Variants in NRDC observed in about 807,000 individuals in gnomAD.
NRDC encodes nardilysin.
A neutral mutation model predicts 147.1 loss-of-function variants in NRDC; 54 were observed. That is an observed-to-expected ratio of 0.37 (90% CI 0.29 to 0.46). The LOEUF (loss-of-function observed/expected upper bound fraction) is 0.46, where lower values mean the gene tolerates loss of function less well. NRDC is among the 20% of genes least tolerant of loss of function. NRDC has a pLI of 1.00. For synonymous variants in NRDC, 440 were observed against 482.1 expected, an observed-to-expected ratio of 0.91 and a Z score of 1.14; for missense variants, 1,082 against 1,370.6, an observed-to-expected ratio of 0.79 and a Z score of 3.33.
At position 51,842,111 on chromosome 1, in the gene NRDC, T is replaced by G. The variant is rs1681294741; in HGVS notation, c.342-1597A>C. On this transcript the variant is annotated intron_variant, in intron 1 of 30. Transcript: ENST00000352171. ...TGATTTGAGCCCAGGAGGTCCAGGC[T>G]GCAGCGAGCCCAGATCGGGCCACTT... 3.3e-5 allele frequency among the ~76,000 whole-genome samples: 5 copies of G among 152,018 alleles called. No homozygotes were observed. The South Asian group carries it at 1.0e-3, about 31-fold the overall frequency.
chr1:51,875,353 A>G (rs958524930), intron 1 of NRDC, among the ~76,000 whole-genome samples: 1 of 148,214 alleles, frequency 6.7e-6, no homozygotes, highest in African/African-American at 2.4e-5. Flanking sequence ...CGTTTTTAAA[A>G]TAAGCTGAGA....
rs771612402 is a variant in NRDC, at chr1:51,840,398, TC to T, written c.457del (p.Glu153LysfsTer12). On this transcript the variant is annotated frameshift_variant, in exon 2 of 31. Coordinates refer to ENST00000352171, the MANE Select transcript of NRDC (RefSeq NM_001101662.2). LOFTEE classifies it high-confidence loss of function. ...DEEEEEVEEE[E>X]EDDDEDSGAE... ...TCCAGAATCTTCATCATCATCTTCT[TC>T]TTCTTCCTCCACCTCCTCTTCTTCT... The T allele has an allele frequency of 1.9e-6, 3 of 1,571,268 alleles. No homozygotes were observed. The highest frequency in any genetic ancestry group is 2.6e-6 in the Non-Finnish European group (3 of 1,141,350).
intron 4 of NRDC, among the ~76,000 whole-genome samples, chr1:51,828,093 A>G (rs1220725478): frequency 6.6e-6 from 1 of 152,262 alleles, no homozygotes; most frequent in Non-Finnish European, 1.5e-5. Context: ...AAAGTTAACA[A>G]AACATGAACA....
chr1:51,802,652 T>C (rs993452727), intron 20 of NRDC, among the ~76,000 whole-genome samples: 2 of 152,176 alleles, frequency 1.3e-5, no homozygotes, highest in Non-Finnish European at 2.9e-5. Context: ...TGATAGTTCT[T>C]TACTGATGGC....
chr1:51,801,577 G>A (rs112217384), intron 20 of NRDC, among the ~76,000 whole-genome samples: 5 of 151,926 alleles, frequency 3.3e-5, no homozygotes, highest in South Asian at 2.1e-4. Flanking sequence ...GGTATATGAG[G>A]TTTTCTAAGA....
rs553080750 is a variant in NRDC, at chr1:51,794,619, GA to G, written c.2637-10del. The G allele has an allele frequency of 2.4e-5, 38 of 1,613,988 alleles. No individual in the cohort carries two copies. The South Asian group carries it at 3.6e-4, about 15-fold the overall frequency. ...GCTTGAAGTTTAGTTTGCTGCAAGA[GA>G]ATCAGTATGGGTCACTGAGGCACCC... On this transcript the variant is annotated splice_polypyrimidine_tract_variant and intron_variant, in intron 23 of 30. Transcript: ENST00000352171.
At chr1:51,861,162 C>A (rs1160661293) in intron 1 of NRDC, among the ~76,000 whole-genome samples, 2 of 151,632 alleles carry the variant, frequency 1.3e-5, no homozygotes, top group Admixed American at 1.3e-4. Context: ...GTTGGCCAGG[C>A]TGGTCTCAAA....
At chr1:51,825,247 C>G (rs758238557) in intron 6 of NRDC, 40 bp downstream of exon 6, 1 of 1,229,822 alleles carries the variant, frequency 8.1e-7, no homozygotes, top group South Asian at 1.3e-5. Flanking sequence ...TAAATCTTAA[C>G]TAGAAAATAT....
At chr1:51,806,989 G>A in intron 17 of NRDC, 76 bp from the exon 18 acceptor site, 1 of 1,527,180 alleles carries the variant, frequency 6.5e-7, no homozygotes, top group Non-Finnish European at 8.8e-7. Context: ...GGCTTCAGAA[G>A]TCTAAGTAAC....
chr1:51,844,785 G>A (rs1296664413), intron 1 of NRDC, among the ~76,000 whole-genome samples: 5 of 98,336 alleles, frequency 5.1e-5, no homozygotes, highest in African/African-American at 1.9e-4. Flanking sequence ...GGGGGGAGGG[G>A]GGAAGGGGAG....
intron 1 of NRDC, among the ~76,000 whole-genome samples, chr1:51,842,797 G>A (rs1219606767): frequency 6.6e-6 from 1 of 152,178 alleles, no homozygotes. Flanking sequence ...AGGGCACAGT[G>A]GCTTGCGCCT....
chr1:51,815,914 A>G (rs1679948535), intron 11 of NRDC: 2 of 152,758 alleles, frequency 1.3e-5, no homozygotes, highest in South Asian at 2.1e-4. Context: ...TACCTACCCA[A>G]TGAAGTTTTC....
intron 1 of NRDC, among the ~76,000 whole-genome samples, chr1:51,845,517 C>G (rs1482159795): frequency 1.3e-5 from 2 of 152,080 alleles, no homozygotes; most frequent in Non-Finnish European, 2.9e-5. Context: ...CACTCGAACC[C>G]GGGAGGCGGA....
chr1:51,859,041 A>G (rs1357441914), intron 1 of NRDC, among the ~76,000 whole-genome samples: 1 of 152,186 alleles, frequency 6.6e-6, no homozygotes, highest in Non-Finnish European at 1.5e-5. Flanking sequence ...CTAAAGTCTT[A>G]GGTTGTGCTT....
intron 3 of NRDC, among the ~76,000 whole-genome samples, chr1:51,835,572 T>G (rs534755029): frequency 6.6e-6 from 1 of 151,082 alleles, no homozygotes; most frequent in South Asian, 2.1e-4. Flanking sequence ...GTTCAAATGA[T>G]TCTCTTGCCT....
chr1:51,790,824 C>T (rs185525165), intron 28 of NRDC, 76 bp downstream of exon 28: 69 of 1,264,562 alleles, frequency 5.5e-5, no homozygotes, highest in African/African-American at 1.0e-4. Flanking sequence ...AAAAACTGGC[C>T]GGCGAAGCCC....
intron 1 of NRDC, among the ~76,000 whole-genome samples, chr1:51,871,232 G>A (rs533944205): frequency 6.6e-6 from 1 of 152,154 alleles, no homozygotes; most frequent in South Asian, 2.1e-4. Flanking sequence ...CACGAGAATT[G>A]CTTGAACTCG....
At chr1:51,796,526 C>T (rs1557897849) in intron 22 of NRDC, among the ~76,000 whole-genome samples, 1 of 152,014 alleles carries the variant, frequency 6.6e-6, no homozygotes, top group Admixed American at 6.6e-5. Flanking sequence ...AGGCGTGGGC[C>T]GCCTTGCACA....
chr1:51,800,467 C>G, intron 21 of NRDC, 89 bp downstream of exon 21: 1 of 1,407,664 alleles, frequency 7.1e-7, no homozygotes, highest in Non-Finnish European at 9.8e-7. Context: ...ATTAGCACTG[C>G]AACTATAGCC....
Sources: gnomAD v4.1 joint callset for allele counts (sites outside exome capture counted in the v4.1 genomes callset) on GRCh38, gnomAD v4.1.1 for gene constraint, MANE v1.5 for transcripts, NCBI Gene and HGNC (gene_info 2026-07-23, HGNC 2026-07-21) for gene names.